The following OR9Q1 variants were observed in gnomAD, a reference collection of about 807,000 sequenced individuals.
OR9Q1 encodes the protein olfactory receptor 9Q1.
For synonymous variants in OR9Q1, 153 were observed against 148.6 expected, an observed-to-expected ratio of 1.03 and a Z score of -0.22; for missense variants, 374 against 378.8, an observed-to-expected ratio of 0.99 and a Z score of 0.11.
intron 1 of OR9Q1, among the ~76,000 whole-genome samples, chr11:58,055,286 G>T (rs11229238): frequency 0.18 from 26,937 of 152,094 alleles, 2,509 homozygotes; most frequent in South Asian, 0.23. Context: ...ATTTTTCTTA[G>T]AGCCCTTAAG....
chr11:58,054,164 A>G (rs1020655401), intron 1 of OR9Q1, among the ~76,000 whole-genome samples: 1 of 152,222 alleles, frequency 6.6e-6, no homozygotes, highest in African/African-American at 2.4e-5. Flanking sequence ...AATAGTAGAA[A>G]AAGGAAGATA....
At chr11:58,136,298 T>G (rs1854188602) in intron 2 of OR9Q1, among the ~76,000 whole-genome samples, 1 of 152,162 alleles carries the variant, frequency 6.6e-6, no homozygotes, top group Non-Finnish European at 1.5e-5. Context: ...CTCAATACTG[T>G]GGAGCATGGT....
chr11:58,063,711 G>T (rs751543189), intron 2 of OR9Q1, among the ~76,000 whole-genome samples: 1 of 152,110 alleles, frequency 6.6e-6, no homozygotes, highest in Non-Finnish European at 1.5e-5. Flanking sequence ...AATTTTTGGG[G>T]GGGTGAGTTT....
chr11:58,128,059 G>T, intron 2 of OR9Q1, among the ~76,000 whole-genome samples: 1 of 151,912 alleles, frequency 6.6e-6, no homozygotes, highest in East Asian at 1.9e-4. Flanking sequence ...TTGTATGTTT[G>T]TATAGGCACT....
intron 2 of OR9Q1, among the ~76,000 whole-genome samples, chr11:58,172,395 G>C (rs1854564061): frequency 1.3e-5 from 2 of 151,178 alleles, no homozygotes; most frequent in South Asian, 4.2e-4. Context: ...ATTCAGACCA[G>C]GAAGCAGAAG....
intron 2 of OR9Q1, among the ~76,000 whole-genome samples, chr11:58,123,039 T>C (rs921825984): frequency 6.6e-5 from 10 of 152,108 alleles, no homozygotes; most frequent in Non-Finnish European, 2.9e-5. Flanking sequence ...TACTAGAGAC[T>C]GTGAGTGCTT....
In OR9Q1 at chr11:58,088,423, T is replaced by C. The variant is rs117315212; in HGVS notation, c.-15+32476T>C. Among the ~76,000 whole-genome samples, 530 of 152,042 alleles carry C rather than the reference T, an allele frequency of 3.5e-3. 18 individuals are homozygous for C. The East Asian group carries it at 0.073, about 21-fold the overall frequency. On this transcript the variant is annotated intron_variant, in intron 2 of 2. Transcript: ENST00000335397. ...CTGTCTTCCATAATAGGTGAACTAA[T>C]TTACAGTCCCATCAATAGTGTAAAA...
chr11:58,085,591 A>C (rs1853626613), intron 2 of OR9Q1, among the ~76,000 whole-genome samples: 1 of 151,750 alleles, frequency 6.6e-6, no homozygotes, highest in Admixed American at 6.6e-5. Context: ...ATACCTCTCT[A>C]TTCTATGCTT....
At chr11:58,033,654 C>T (rs561433703) in intron 1 of OR9Q1, among the ~76,000 whole-genome samples, 185 of 152,146 alleles carry the variant, frequency 1.2e-3, no homozygotes, top group African/African-American at 4.2e-3. Context: ...CTGTTGGGTA[C>T]TATGTTCCCA....
In OR9Q1 at chr11:58,178,887, ATATATATTTATATATTATATATAT is replaced by A. The variant is rs1303808325; in HGVS notation, c.-14-521_-14-498del. ...GACATATTTTATATGTATATATTAT[ATATATATTTATATATTATATATAT>A]TATATATTTATATATTATATATTTA... On this transcript the variant is annotated intron_variant, in intron 2 of 2. Transcript: ENST00000335397. 4.2e-5 allele frequency among the ~76,000 whole-genome samples: 6 copies of A among 141,258 alleles called. No homozygotes were observed. The South Asian group carries it at 8.9e-4, about 21-fold the overall frequency. 92.7% of individuals were successfully genotyped at this position (141,258 alleles called of 152,430 possible). A position where few individuals can be genotyped will look rare whatever the true frequency, so the allele number is the denominator to read the frequency against.
chr11:58,094,334 AG>A (rs1853711355), intron 2 of OR9Q1, among the ~76,000 whole-genome samples: 1 of 152,196 alleles, frequency 6.6e-6, no homozygotes, highest in Non-Finnish European at 1.5e-5. Flanking sequence ...AAAATTACTT[AG>A]TACAAATTAT....
At chr11:58,137,638 A>G (rs768242603) in intron 2 of OR9Q1, among the ~76,000 whole-genome samples, 1 of 152,194 alleles carries the variant, frequency 6.6e-6, no homozygotes, top group South Asian at 2.1e-4. Flanking sequence ...TCATTTTCAT[A>G]ATAATGAGCC....
intron 2 of OR9Q1, among the ~76,000 whole-genome samples, chr11:58,102,577 C>T (rs566668669): frequency 5.3e-5 from 8 of 151,308 alleles, no homozygotes; most frequent in African/African-American, 1.7e-4. Flanking sequence ...TTTCTTTCAG[C>T]ATTTTGAGTA....
At position 58,146,753 on chromosome 11, in the gene OR9Q1, C is replaced by T. The variant is rs184349077; in HGVS notation, c.-14-32678C>T. Among the ~76,000 whole-genome samples, 5 of 152,252 alleles carry T rather than the reference C, an allele frequency of 3.3e-5. No homozygotes were observed. In the East Asian group the frequency reaches 7.7e-4, roughly 24 times the overall value. ...GCTTCAGGAATAAGTATGCCATAGT[C>T]ATGGGTTGTGAAGACTCTTCTAGAC... On this transcript the variant is annotated intron_variant, in intron 2 of 2. Transcript: ENST00000335397.
At chr11:58,094,961 G>A (rs1853716643) in intron 2 of OR9Q1, among the ~76,000 whole-genome samples, 2 of 152,182 alleles carry the variant, frequency 1.3e-5, no homozygotes, top group Admixed American at 1.3e-4. Context: ...GATAGACTCT[G>A]ACAAACATTT....
At chr11:58,066,743 G>C (rs1853433869) in intron 2 of OR9Q1, among the ~76,000 whole-genome samples, 1 of 152,192 alleles carries the variant, frequency 6.6e-6, no homozygotes, top group African/African-American at 2.4e-5. Context: ...CCCTGCACCA[G>C]GGTCTGTGTT....
chr11:58,040,784 C>G (rs1424444166), intron 1 of OR9Q1: 1 of 152,202 alleles, frequency 6.6e-6, no homozygotes, highest in Non-Finnish European at 1.5e-5. Flanking sequence ...CAGTTTTTCC[C>G]ACTTGCGATG....
chr11:58,030,157 G>C (rs762544274), intron 1 of OR9Q1, among the ~76,000 whole-genome samples: 1 of 152,038 alleles, frequency 6.6e-6, no homozygotes, highest in Non-Finnish European at 1.5e-5. Context: ...CTCTTATCTT[G>C]TTCCCCTCCA....
intron 2 of OR9Q1, among the ~76,000 whole-genome samples, chr11:58,115,200 TTAAC>T (rs755298624): frequency 1.3e-5 from 2 of 152,164 alleles, no homozygotes; most frequent in Non-Finnish European, 2.9e-5. Flanking sequence ...TTTATCATAA[TTAAC>T]AATAACATAT....
Sources: gnomAD v4.1 joint callset for allele counts (sites outside exome capture counted in the v4.1 genomes callset) on GRCh38, gnomAD v4.1.1 for gene constraint, MANE v1.5 for transcripts, NCBI Gene and HGNC (gene_info 2026-07-23, HGNC 2026-07-21) for gene names.